The following ST6GAL2 variants were observed in gnomAD, a reference collection of about 807,000 sequenced individuals.
The protein encoded by ST6GAL2 is ST6 beta-galactoside alpha-2,6-sialyltransferase 2.
A neutral mutation model predicts 37.5 loss-of-function variants in ST6GAL2; 24 were observed. The ratio of observed to expected loss-of-function variants is 0.64; its 90% CI spans 0.46 to 0.90. The LOEUF is 0.90. ST6GAL2 is among the 40% of genes least tolerant of loss of function. The pLI is 0.00. For missense variants in ST6GAL2, 715 were observed against 712.7 expected (o/e 1.00, Z -0.04); for synonymous variants, 306 against 295.1 (o/e 1.04, Z -0.38).
At chr2:106,847,290 T>G (rs954414575) in intron 1 of ST6GAL2, among the ~76,000 whole-genome samples, 1 of 152,206 alleles carries the variant, frequency 6.6e-6, no homozygotes, top group African/African-American at 2.4e-5. Context: ...ACACTTTGAG[T>G]AGCACCTTCC....
chr2:106,854,833 T>C (rs1474781869), intron 1 of ST6GAL2, among the ~76,000 whole-genome samples: 2 of 152,048 alleles, frequency 1.3e-5, no homozygotes, highest in African/African-American at 4.8e-5. Context: ...AAGTGGCTAA[T>C]GAAGTATTCT....
intron 1 of ST6GAL2, among the ~76,000 whole-genome samples, chr2:106,884,176 G>A (rs895523030): frequency 6.6e-6 from 1 of 152,136 alleles, no homozygotes; most frequent in African/African-American, 2.4e-5. Flanking sequence ...TTTTTCAGCA[G>A]TCCCTTCGCT....
chr2:106,816,146 T>A (rs1054256908), intron 5 of ST6GAL2, among the ~76,000 whole-genome samples: 2 of 152,192 alleles, frequency 1.3e-5, no homozygotes, highest in Non-Finnish European at 2.9e-5. Context: ...TGCTTCTTTT[T>A]ATAAGGACTG....
intron 1 of ST6GAL2, among the ~76,000 whole-genome samples, chr2:106,847,856 T>C (rs547122913): frequency 6.7e-4 from 102 of 152,212 alleles, no homozygotes; most frequent in African/African-American, 2.4e-3. Flanking sequence ...CATCAGTGTG[T>C]TCATGAACCA....
intron 5 of ST6GAL2, among the ~76,000 whole-genome samples, chr2:106,823,883 T>C (rs1336325599): frequency 6.6e-6 from 1 of 152,198 alleles, no homozygotes; most frequent in Non-Finnish European, 1.5e-5. Context: ...GTCTCTTTTA[T>C]AAGGGCACTA....
chr2:106,867,182 G>A lies in ST6GAL2; in HGVS notation c.-58+18911C>T, dbSNP rs115475573. 7.5e-3 allele frequency among the ~76,000 whole-genome samples: 1,137 copies of A among 152,162 alleles called. 17 individuals are homozygous for A. The highest frequency in any genetic ancestry group is 0.026 in the African/African-American group (1,068 of 41,516). On this transcript the variant is annotated intron_variant, in intron 1 of 5. Transcript: ENST00000409382. Reference sequence around the variant, plus strand: ...TGGCTCCACATTCTAATTTCGCACAGGGTCCCACAGCCAGCCCTGGCTGTC... The same window carrying A: ...TGGCTCCACATTCTAATTTCGCACAAGGTCCCACAGCCAGCCCTGGCTGTC...
chr2:106,860,018 G>T (rs1205511638), intron 1 of ST6GAL2, among the ~76,000 whole-genome samples: 3 of 152,012 alleles, frequency 2.0e-5, no homozygotes, highest in Admixed American at 1.3e-4. Flanking sequence ...ACAGCTCCTG[G>T]CCATTTGCTT....
chr2:106,863,076 C>G (rs1225661814), intron 1 of ST6GAL2, among the ~76,000 whole-genome samples: 1 of 151,816 alleles, frequency 6.6e-6, no homozygotes, highest in African/African-American at 2.4e-5. Context: ...ATGTGCGTTA[C>G]AGCTGGGACA....
rs1329544630 is a variant in ST6GAL2 at position 106,834,125 on chromosome 2, C to T, written c.965G>A (p.Arg322Lys). 6.2e-7 allele frequency: 1 copy of T among 1,613,626 alleles called. No individual in the cohort carries two copies. The highest frequency in any genetic ancestry group is 8.5e-7 in the Non-Finnish European group (1 of 1,179,698). ...EEIDSHDAVL[R>K]FNSAPTRGYE... ...ACCACGTGTAGGAGCAGAGTTAAAT[C>T]TCAAAACCGCATCATGAGAATCTAA... is the stretch of plus-strand genomic sequence containing the variant. Residue 322 changes from arginine (R) to lysine (K), a missense_variant, in exon 3 of 6, where the codon AGA (arginine) becomes AAA (lysine). This residue lies in a region of ST6GAL2 where 512 missense variants were observed against 488.8 expected (regional missense o/e 1.05). Coordinates refer to ENST00000409382, the MANE Select transcript of ST6GAL2 (RefSeq NM_001142351.2).
chr2:106,841,208 G>A (rs146663936), intron 2 of ST6GAL2: 101 of 152,222 alleles, frequency 6.6e-4, no homozygotes, highest in African/African-American at 2.4e-3. Context: ...TGAGATCTGG[G>A]CTTCTGAGCC....
intron 1 of ST6GAL2, among the ~76,000 whole-genome samples, 181 bp from the exon 2 acceptor site, chr2:106,844,215 G>A (rs1222373848): frequency 5.3e-5 from 7 of 132,774 alleles, no homozygotes; most frequent in South Asian, 5.1e-4. Flanking sequence ...CCCCCTCCCC[G>A]CCCCCCACCT....
chr2:106,829,925 AT>A, intron 5 of ST6GAL2, 140 bp downstream of exon 5: 2 of 814,420 alleles, frequency 2.5e-6, no homozygotes, highest in Non-Finnish European at 3.8e-6. Flanking sequence ...AAAAAAAAAA[AT>A]CCAAAATCAG....
At chr2:106,864,106 G>A (rs1007948363) in intron 1 of ST6GAL2, among the ~76,000 whole-genome samples, 3 of 152,152 alleles carry the variant, frequency 2.0e-5, no homozygotes, top group Admixed American at 6.5e-5. Context: ...ATGGGCAACC[G>A]CATTCCACAG....
chr2:106,810,925 CTCA>C (rs201256805), intron 5 of ST6GAL2, among the ~76,000 whole-genome samples: 1,984 of 151,914 alleles, frequency 0.013, 46 homozygotes, highest in African/African-American at 0.045. Flanking sequence ...CACTCTCATG[CTCA>C]CTGAGCGACA....
chr2:106,818,261 G>C (rs189201284), intron 5 of ST6GAL2, among the ~76,000 whole-genome samples: 2 of 152,318 alleles, frequency 1.3e-5, no homozygotes, highest in East Asian at 3.9e-4. Context: ...TGGTCCTTAG[G>C]TGAGAGCCAG....
At position 106,830,400 on chromosome 2, in the gene ST6GAL2, A is replaced by G. The variant is rs1174812672; in HGVS notation, c.1144-160T>C. Among the ~76,000 whole-genome samples, 3 of 152,190 alleles carry G rather than the reference A, an allele frequency of 2.0e-5. No individual in the cohort carries two copies. In the East Asian group the frequency reaches 5.8e-4, roughly 29 times the overall value. ...CTACAGACACTTCCTCATTGGGATG[A>G]GGGGACAAGAACAAAGACAGACCAG... On this transcript the variant is annotated intron_variant, in intron 4 of 5. Transcript: ENST00000409382.
At chr2:106,866,668 G>A (rs1275721343) in intron 1 of ST6GAL2, among the ~76,000 whole-genome samples, 1 of 152,174 alleles carries the variant, frequency 6.6e-6, no homozygotes, top group African/African-American at 2.4e-5. Flanking sequence ...CCCCTATCAT[G>A]TCCTTTCTTA....
chr2:106,803,012 C>T lies in ST6GAL2; in HGVS notation c.*3666G>A, dbSNP rs1339320143. On this transcript the variant is annotated 3_prime_UTR_variant, in exon 6 of 6. Transcript: ENST00000409382. Reference sequence around the variant, plus strand: ...TCCCACTTAAAGCACCCAAACGGGACCTACCTAATTAATTCAGGAGATGTG... The same window carrying T: ...TCCCACTTAAAGCACCCAAACGGGATCTACCTAATTAATTCAGGAGATGTG... The T allele has an allele frequency of 6.6e-6, 1 of 152,134 alleles. No homozygotes were observed. The highest frequency in any genetic ancestry group is 2.4e-5 in the African/African-American group (1 of 41,430). The allele number at this position is 152,134 out of a possible 1,614,324, so 9.4% of individuals were successfully genotyped here. A position where few individuals can be genotyped will look rare whatever the true frequency, so the allele number is the denominator to read the frequency against.
intron 1 of ST6GAL2, among the ~76,000 whole-genome samples, chr2:106,854,921 AT>A (rs1394577147): frequency 1.4e-5 from 2 of 140,294 alleles, no homozygotes; most frequent in Non-Finnish European, 1.5e-5. Context: ...ATTTTTTATT[AT>A]TTTTTCCAAA....
Sources: gnomAD v4.1 joint callset for allele counts (sites outside exome capture counted in the v4.1 genomes callset) on GRCh38, gnomAD v4.1.1 for gene constraint, gnomAD v4.1.1 regional missense constraint, MANE v1.5 for transcripts, NCBI Gene and HGNC (gene_info 2026-07-23, HGNC 2026-07-21) for gene names.